The following BIRC6 variants were observed in gnomAD, a reference collection of about 807,000 sequenced individuals.
BIRC6 encodes dual E2 ubiquitin-conjugating enzyme/E3 ubiquitin-protein ligase BIRC6.
A neutral mutation model predicts 503.3 loss-of-function variants in BIRC6; 98 were observed. That is an observed-to-expected ratio of 0.19 (90% CI 0.17 to 0.23). BIRC6 has a LOEUF of 0.23. Among genes scored for constraint, BIRC6 ranks in the 10% least tolerant of loss-of-function variants. The pLI, the probability that BIRC6 is intolerant of heterozygous loss-of-function variation, is 1.00. For missense variants in BIRC6, 5,360 were observed against 5,806.0 expected (o/e 0.92, Z 2.50); for synonymous variants, 2,240 against 2,078.7 (o/e 1.08, Z -2.11).
intron 3 of BIRC6, among the ~76,000 whole-genome samples, chr2:32,385,058 A>T (rs1186341471): frequency 6.6e-6 from 1 of 152,194 alleles, no homozygotes; most frequent in Non-Finnish European, 1.5e-5. Flanking sequence ...AGCCAACTCT[A>T]AATCCATACA....
rs546168595 is a variant in BIRC6, at chr2:32,367,561, C to T, written c.326-10027C>T. 1.2e-4 allele frequency among the ~76,000 whole-genome samples: 19 copies of T among 152,180 alleles called. No homozygotes were observed. In the East Asian group the frequency reaches 2.7e-3, roughly 22 times the overall value. On this transcript the variant is annotated intron_variant, in intron 1 of 73. Transcript: ENST00000421745. ...ATTAGGCTGGGCATGATGGCTGTCGCGTGTAATCCCAGCACTTGTGGGGCC... is the reference window on the plus strand; with the variant it reads ...ATTAGGCTGGGCATGATGGCTGTCGTGTGTAATCCCAGCACTTGTGGGGCC...
At position 32,596,712 on chromosome 2, in the gene BIRC6, C is replaced by T. The variant is rs147557086; in HGVS notation, c.13613-1039C>T. Among the ~76,000 whole-genome samples, 254 of 152,308 alleles carry T rather than the reference C, an allele frequency of 1.7e-3. 1 individual carries two copies. The highest frequency in any genetic ancestry group is 5.7e-3 in the African/African-American group (236 of 41,570). On this transcript the variant is annotated intron_variant, in intron 68 of 73. Transcript: ENST00000421745. ...TTATTGGGCTTTAGATTTCGTTCCG[C>T]TTCCTGGGTCATCAAAAATATGTCA... is the stretch of plus-strand genomic sequence containing the variant.
intron 66 of BIRC6, chr2:32,590,891 G>T (rs2061348903): frequency 2.0e-6 from 2 of 985,714 alleles, no homozygotes; most frequent in Non-Finnish European, 1.2e-6. Context: ...TACCATGTTG[G>T]ATCCATTGTC....
intron 61 of BIRC6, 34 bp downstream of exon 61, chr2:32,531,585 C>T (rs2056757393): frequency 6.6e-7 from 1 of 1,520,218 alleles, no homozygotes; most frequent in Admixed American, 2.0e-5. Context: ...GTATATCATT[C>T]CATAGCTAAG....
intron 73 of BIRC6, among the ~76,000 whole-genome samples, chr2:32,616,560 CAAAAAAAAA>C (rs201587938): frequency 2.1e-3 from 212 of 99,086 alleles, no homozygotes; most frequent in African/African-American, 7.9e-3. Context: ...ACCTTGTTCT[CAAAAAAAAA>C]AAAAAAAAAA....
chr2:32,554,932 C>G (rs1251918301), intron 65 of BIRC6, among the ~76,000 whole-genome samples: 2 of 151,984 alleles, frequency 1.3e-5, no homozygotes, highest in Non-Finnish European at 2.9e-5. Context: ...CAGTTGGAAA[C>G]CTAGCCATCT....
chr2:32,545,519 T>A, intron 62 of BIRC6, 124 bp from the exon 63 acceptor site: 1 of 795,444 alleles, frequency 1.3e-6, no homozygotes, highest in South Asian at 1.6e-5. Context: ...GTATTTGGTT[T>A]TCTAAATAAT....
intron 61 of BIRC6, chr2:32,532,161 G>GTGTGTGTGTGTA (rs756864953): frequency 1.9e-6 from 1 of 531,780 alleles, no homozygotes. Flanking sequence ...GTGTGTGTGT[G>GTGTGTGTGTGTA]TGTGTGTGTG....
At position 32,525,500 on chromosome 2, in the gene BIRC6, C is replaced by T. The variant is rs955130205; in HGVS notation, c.11792C>T (p.Thr3931Ile). The change falls in exon 59 of 74, where the codon ACA becomes ATA. Residue 3931 changes from threonine (T) to isoleucine (I), a missense_variant. Thr to Ile is a moderately conservative substitution (Grantham distance 89). Coordinates refer to ENST00000421745, the MANE Select transcript of BIRC6 (RefSeq NM_016252.4). The stretch of plus-strand genomic sequence containing the variant: ...CAATCTAAACGTGCTGTGTCAGCTA[C>T]ACCACCTCGCCCACCATCCAGGAGG... ...KSQSKRAVSA[T>I]PPRPPSRRGR... 3 of 1,614,010 alleles carry T rather than the reference C, an allele frequency of 1.9e-6. No homozygotes were observed. Among genetic ancestry groups the T allele is most frequent in the African/African-American group, 1.3e-5 (1 of 75,064 alleles).
intron 20 of BIRC6, among the ~76,000 whole-genome samples, chr2:32,445,169 C>T (rs1017009077): frequency 6.6e-6 from 1 of 152,228 alleles, no homozygotes; most frequent in Non-Finnish European, 1.5e-5. Context: ...GAAGGACCTT[C>T]AGTCTCCTCA....
At chr2:32,395,743 A>G in intron 6 of BIRC6, 150 bp downstream of exon 6, 1 of 599,174 alleles carries the variant, frequency 1.7e-6, no homozygotes, top group South Asian at 2.1e-5. Context: ...CCCTGTCTAT[A>G]CTCTGGCACA....
intron 12 of BIRC6, among the ~76,000 whole-genome samples, chr2:32,431,702 C>T (rs2044140938): frequency 1.3e-5 from 2 of 152,158 alleles, no homozygotes; most frequent in Admixed American, 1.3e-4. Context: ...AGTTTGGTCA[C>T]TTAGTCCACA....
chr2:32,487,921 G>A (rs2051190709), intron 41 of BIRC6, 120 bp downstream of exon 41: 40 of 770,448 alleles, frequency 5.2e-5, no homozygotes, highest in South Asian at 6.6e-5. Flanking sequence ...ATATTCAGTT[G>A]GAAAAATATT....
intron 3 of BIRC6, among the ~76,000 whole-genome samples, chr2:32,386,366 C>G (rs919118203): frequency 6.6e-6 from 1 of 151,898 alleles, no homozygotes; most frequent in Admixed American, 6.6e-5. Flanking sequence ...CACAGTCATT[C>G]TTCAAGATTC....
intron 1 of BIRC6, among the ~76,000 whole-genome samples, chr2:32,367,357 G>A (rs1236602289): frequency 6.6e-6 from 1 of 152,078 alleles, no homozygotes; most frequent in African/African-American, 2.4e-5. Flanking sequence ...AGCTATTCGG[G>A]AGGCTGAGGC....
In BIRC6 at chr2:32,471,112, A is replaced by C; in HGVS notation, c.6580A>C (p.Lys2194Gln). 6.4e-7 allele frequency: 1 copy of C among 1,569,952 alleles called. No individual in the cohort carries two copies. The highest frequency in any genetic ancestry group is 2.3e-5 in the East Asian group (1 of 43,304). The change falls in exon 32 of 74, where the codon AAA (lysine) becomes CAA (glutamine). Residue 2194 changes from lysine (K) to glutamine (Q), a missense_variant. Physicochemically the swap from Lys to Gln is moderately conservative, Grantham distance 53. Transcript: ENST00000421745. ...TGAAGATGAAGCAGCAGCTGCAAAG[A>C]AACCTTTGAATGGTAAAGACAGGGA... The part of the protein sequence containing the change: ...TVEDEAAAAK[K>Q]PLNGNQWSFI...
At chr2:32,430,771 C>G in intron 11 of BIRC6, 94 bp from the exon 12 acceptor site, 1 of 938,418 alleles carries the variant, frequency 1.1e-6, no homozygotes. Context: ...AATAGAAAAC[C>G]TACCCATGAA....
At chr2:32,372,223 C>G (rs1272866455) in intron 1 of BIRC6, among the ~76,000 whole-genome samples, 1 of 151,922 alleles carries the variant, frequency 6.6e-6, no homozygotes, top group Non-Finnish European at 1.5e-5. Context: ...ATTGATGTAA[C>G]CCACCATCAC....
intron 10 of BIRC6, among the ~76,000 whole-genome samples, chr2:32,423,595 T>C (rs1574102431): frequency 6.6e-6 from 1 of 152,344 alleles, no homozygotes; most frequent in Middle Eastern, 3.4e-3. Flanking sequence ...ATATTTTTTA[T>C]GTTTTTAATG....
Sources: allele counts gnomAD v4.1 joint callset (sites outside exome capture counted in the v4.1 genomes callset), GRCh38; gene constraint gnomAD v4.1.1; transcripts MANE v1.5; gene names NCBI Gene and HGNC (gene_info 2026-07-23, HGNC 2026-07-21).